Variants in TRPM3 observed in about 807,000 individuals in gnomAD.
The protein encoded by TRPM3 is long transient receptor potential channel 3.
A neutral mutation model predicts 181.2 loss-of-function variants in TRPM3; 77 were observed. The ratio of observed to expected loss-of-function variants is 0.42; its 90% confidence interval spans 0.35 to 0.51. TRPM3 has a LOEUF of 0.51. TRPM3 is among the 20% of genes least tolerant of loss of function. The pLI is 0.01. For missense variants in TRPM3, 1,759 were observed against 2,196.7 expected (o/e 0.80, Z 3.98); for synonymous variants, 745 against 796.4 (o/e 0.94, Z 1.09).
intron 1 of TRPM3, among the ~76,000 whole-genome samples, chr9:70,959,430 A>C (rs1281389318): frequency 6.6e-6 from 1 of 152,012 alleles, no homozygotes; most frequent in Admixed American, 6.6e-5. Context: ...GAATGAAAGA[A>C]ATGGAAAGTA....
intron 8 of TRPM3, among the ~76,000 whole-genome samples, chr9:70,745,655 A>T (rs575473675): frequency 6.6e-6 from 1 of 152,322 alleles, no homozygotes; most frequent in Admixed American, 6.5e-5. Flanking sequence ...GGTGTAAAAA[A>T]GTCCCTTCCC....
At chr9:70,562,292 AG>A (rs1171911713) in intron 22 of TRPM3, among the ~76,000 whole-genome samples, 1 of 152,170 alleles carries the variant, frequency 6.6e-6, no homozygotes, top group East Asian at 1.9e-4. Flanking sequence ...AAGGAGCAAA[AG>A]ACTTGAATTT....
intron 8 of TRPM3, among the ~76,000 whole-genome samples, chr9:70,746,234 A>G (rs2075129033): frequency 6.7e-6 from 1 of 150,194 alleles, no homozygotes; most frequent in African/African-American, 2.5e-5. Flanking sequence ...CCTTTCTCAG[A>G]TACAGACAGG....
chr9:71,203,835 C>T (rs1265414858), intron 1 of TRPM3, among the ~76,000 whole-genome samples: 1 of 152,134 alleles, frequency 6.6e-6, no homozygotes, highest in Non-Finnish European at 1.5e-5. Flanking sequence ...TTCTCCTCCT[C>T]CTCCATCACA....
chr9:70,955,717 A>G (rs780919033), intron 1 of TRPM3, among the ~76,000 whole-genome samples: 26 of 152,280 alleles, frequency 1.7e-4, no homozygotes, highest in Middle Eastern at 3.4e-3. Context: ...GCCTGCTTAT[A>G]ATACTTTTGA....
At chr9:71,374,711 C>G (rs2092621290) in intron 1 of TRPM3, among the ~76,000 whole-genome samples, 1 of 152,206 alleles carries the variant, frequency 6.6e-6, no homozygotes, top group African/African-American at 2.4e-5. Flanking sequence ...TTGTCTCAGC[C>G]CAAAAGCTCC....
chr9:70,740,895 T>C (rs909475751), intron 8 of TRPM3, among the ~76,000 whole-genome samples: 4 of 152,170 alleles, frequency 2.6e-5, no homozygotes, highest in African/African-American at 7.2e-5. Flanking sequence ...CTTCTAGACA[T>C]TGGCTCAGGC....
At position 71,120,140 on chromosome 9, in the gene TRPM3, G is replaced by A. The variant is rs1003472212; in HGVS notation, c.177+1038C>T. Among the ~76,000 whole-genome samples the A allele has an allele frequency of 7.2e-5, 11 of 152,150 alleles. 1 individual carries two copies. Among genetic ancestry groups the A allele is most frequent in the African/African-American group, 2.4e-4 (10 of 41,428 alleles). On this transcript the variant is annotated intron_variant, in intron 1 of 25. Coordinates refer to ENST00000677713, the MANE Select transcript of TRPM3 (RefSeq NM_001366145.2). ...CAGAACAAAATTCTCCAAGTGTAACGTATTCAGGGCTAATTCATTAATTCT... is the reference window on the plus strand; with the variant it reads ...CAGAACAAAATTCTCCAAGTGTAACATATTCAGGGCTAATTCATTAATTCT...
rs1012651561 is a variant in TRPM3 at position 70,535,456 on chromosome 9, A to G, written c.*497T>C. 1.9e-6 allele frequency: 3 copies of G among 1,550,510 alleles called. No homozygotes were observed. Among genetic ancestry groups the G allele is most frequent in the East Asian group, 2.4e-5 (1 of 40,938 alleles). On this transcript the variant is annotated 3_prime_UTR_variant, in exon 26 of 26. Coordinates refer to ENST00000677713, the MANE Select transcript of TRPM3 (RefSeq NM_001366145.2). ...ATACTGAATAAAGAGGATGCTCTTC[A>G]TCAGTCACCAGTGATGGAGCCAATG...
intron 1 of TRPM3, among the ~76,000 whole-genome samples, chr9:70,962,472 T>C (rs1468792067): frequency 6.6e-6 from 1 of 152,122 alleles, no homozygotes. Context: ...CTGGTCTCAG[T>C]ACTTCAGCTC....
At chr9:70,957,672 G>C (rs1453132069) in intron 1 of TRPM3, among the ~76,000 whole-genome samples, 2 of 152,100 alleles carry the variant, frequency 1.3e-5, no homozygotes, top group Admixed American at 6.5e-5. Flanking sequence ...CAAGTACTTT[G>C]CCCAAAGTCC....
At chr9:71,063,472 T>C (rs1268990307) in intron 1 of TRPM3, among the ~76,000 whole-genome samples, 1 of 152,114 alleles carries the variant, frequency 6.6e-6, no homozygotes, top group Non-Finnish European at 1.5e-5. Context: ...GACTGTGTTG[T>C]TAAGTAACAA....
intron 1 of TRPM3, among the ~76,000 whole-genome samples, chr9:71,301,018 C>A (rs80273325): frequency 6.6e-6 from 1 of 151,596 alleles, no homozygotes; most frequent in African/African-American, 2.4e-5. Context: ...CATTTCACCA[C>A]GCTCTCATTT....
chr9:71,203,567 T>A (rs1226257473), intron 1 of TRPM3, among the ~76,000 whole-genome samples: 1 of 152,222 alleles, frequency 6.6e-6, no homozygotes, highest in African/African-American at 2.4e-5. Flanking sequence ...GGAGACTGTC[T>A]GTGTTGAAGT....
intron 25 of TRPM3, among the ~76,000 whole-genome samples, chr9:70,538,134 A>C (rs572463821): frequency 1.3e-5 from 2 of 152,210 alleles, no homozygotes; most frequent in Non-Finnish European, 1.5e-5. Flanking sequence ...TGCATAAAGC[A>C]ATTTGTTGTA....
chr9:71,033,244 CT>C (rs975420070), intron 1 of TRPM3, among the ~76,000 whole-genome samples: 2 of 152,176 alleles, frequency 1.3e-5, no homozygotes, highest in Non-Finnish European at 2.9e-5. Flanking sequence ...CTAAAGCGTC[CT>C]AAGTAAGATA....
chr9:70,934,838 T>C (rs752489463), intron 1 of TRPM3, among the ~76,000 whole-genome samples: 2 of 152,066 alleles, frequency 1.3e-5, no homozygotes, highest in Non-Finnish European at 2.9e-5. Flanking sequence ...ACCTGTTATT[T>C]AATGAATTGC....
In TRPM3 at chr9:70,773,920, C is replaced by T. The variant is rs566521688; in HGVS notation, c.1148+10185G>A. Among the ~76,000 whole-genome samples, 24 of 152,270 alleles carry T rather than the reference C, an allele frequency of 1.6e-4. No homozygotes were observed. The East Asian group carries it at 4.6e-3, about 29-fold the overall frequency. Reference sequence around the variant, plus strand: ...TGATTGCCTGGTAGTCTTATAGCTACAGGGGTATCTATAAGATTTTGGCTT... The same window carrying T: ...TGATTGCCTGGTAGTCTTATAGCTATAGGGGTATCTATAAGATTTTGGCTT... On this transcript the variant is annotated intron_variant, in intron 7 of 25. Coordinates refer to ENST00000677713, the MANE Select transcript of TRPM3 (RefSeq NM_001366145.2).
At chr9:71,293,240 G>A (rs2062865) in intron 1 of TRPM3, among the ~76,000 whole-genome samples, 127,045 of 151,642 alleles carry the variant, frequency 0.84, 53,604 homozygotes, top group East Asian at 0.95. Flanking sequence ...ATGACACACA[G>A]AAAATGCCCA....
Sources: allele counts gnomAD v4.1 joint callset (sites outside exome capture counted in the v4.1 genomes callset), GRCh38; gene constraint gnomAD v4.1.1; transcripts MANE v1.5; gene names NCBI Gene and HGNC (gene_info 2026-07-23, HGNC 2026-07-21).